The following UBXN4 variants were observed in gnomAD, a reference collection of about 807,000 sequenced individuals.
UBXN4 encodes the protein UBX domain protein 4.
A neutral mutation model predicts 66.2 loss-of-function variants in UBXN4; 35 were observed. The observed-to-expected ratio is 0.53, with a 90% CI of 0.40 to 0.70. The LOEUF is 0.70. UBXN4 is among the 30% of genes least tolerant of loss of function. The probability of loss-of-function intolerance (pLI) is 0.00; values close to 1 mark genes in which losing one functional copy is unlikely to be tolerated. For missense variants in UBXN4, 533 were observed against 599.8 expected, an observed-to-expected ratio of 0.89 and a Z score of 1.16; for synonymous variants, 203 against 204.5, an observed-to-expected ratio of 0.99 and a Z score of 0.06.
At chr2:135,763,687 G>A (rs1368418213) in intron 6 of UBXN4, among the ~76,000 whole-genome samples, 1 of 151,952 alleles carries the variant, frequency 6.6e-6, no homozygotes, top group Non-Finnish European at 1.5e-5. Flanking sequence ...TTAATTGGGT[G>A]AGGTGGTGCA....
intron 9 of UBXN4, 151 bp from the exon 10 acceptor site, chr2:135,776,098 A>G: frequency 1.7e-6 from 1 of 598,574 alleles, no homozygotes; most frequent in Non-Finnish European, 2.8e-6. Flanking sequence ...TATGAATCTC[A>G]GTAAAGCAGT....
intron 7 of UBXN4, 66 bp downstream of exon 7, chr2:135,769,889 T>C: frequency 2.1e-6 from 3 of 1,446,372 alleles, no homozygotes; most frequent in Non-Finnish European, 9.4e-7. Context: ...GATTATTCTA[T>C]TCAGTGTGGC....
chr2:135,753,575 T>G lies in UBXN4; in HGVS notation c.214+8T>G, dbSNP rs1395017126. 1 of 1,532,660 alleles carries G rather than the reference T, an allele frequency of 6.5e-7. No homozygotes were observed. Among genetic ancestry groups the G allele is most frequent in the East Asian group, 2.5e-5 (1 of 40,558 alleles). The allele number at this position is 1,532,660 out of a possible 1,614,324, so 94.9% of individuals were successfully genotyped here. On this transcript the variant is annotated splice_region_variant and intron_variant, in intron 3 of 12. Transcript: ENST00000272638. ...TACAGTTTTCACAAATCTGTATCCT[T>G]TCAGTAAAGAATGGCTTATATATAT...
chr2:135,748,360 A>G lies in UBXN4; in HGVS notation c.176A>G (p.Asp59Gly). 1 of 1,589,960 alleles carries G rather than the reference A, an allele frequency of 6.3e-7. No homozygotes were observed. Among genetic ancestry groups the G allele is most frequent in the Non-Finnish European group, 8.5e-7 (1 of 1,170,350 alleles). Reference sequence around the variant, plus strand: ...AACAGTTTTGTTGCTATTAAAATCGATACCAAAAGGTTTGTTTATGTTTTA... The same window carrying G: ...AACAGTTTTGTTGCTATTAAAATCGGTACCAAAAGGTTTGTTTATGTTTTA... ...SSNSFVAIKI[D>G]TKSEACLQFS... is the part of the protein sequence containing the mutation. The change falls in exon 2 of 13, where the codon GAT becomes GGT. Residue 59 changes from aspartate (D) to glycine (G), a missense_variant. By Grantham distance (94) the Asp-to-Gly change is moderately conservative (BLOSUM62 -1). Coordinates refer to ENST00000272638, the MANE Select transcript of UBXN4 (RefSeq NM_014607.4).
At chr2:135,755,722 T>C (rs201843440) in intron 5 of UBXN4, 31 bp downstream of exon 5, 31 of 1,341,144 alleles carry the variant, frequency 2.3e-5, no homozygotes, top group East Asian at 2.7e-5. Flanking sequence ...TTGAGTGCAA[T>C]AGAAGCTCCT....
intron 2 of UBXN4, among the ~76,000 whole-genome samples, chr2:135,752,583 C>T (rs986462430): frequency 9.9e-5 from 15 of 152,122 alleles, no homozygotes; most frequent in Admixed American, 7.9e-4. Flanking sequence ...CTAAGTAAGT[C>T]GTAGGCCTTA....
rs866990552 is a variant in UBXN4, at chr2:135,769,823, G to A, written c.657G>A (p.Gln219=). The A allele has an allele frequency of 6.3e-7, 1 of 1,598,786 alleles. No homozygotes were observed. The highest frequency in any genetic ancestry group is 1.4e-5 in the African/African-American group (1 of 73,836). Residue 219 remains glutamine, a splice_region_variant and synonymous_variant, in exon 7 of 13, where the codon CAG becomes CAA. Transcript: ENST00000272638. ...AAGAGAAAAGAAAAGAGGAAGAACA[G>A]GTAAAGTTCATGCAGTTAGCATTGT... is the stretch of plus-strand genomic sequence containing the variant. The part of the protein sequence containing the change: ...RREEKRKEEE[Q]REIKKEIERR...
intron 5 of UBXN4, among the ~76,000 whole-genome samples, chr2:135,758,764 A>ATTTTTTTTTTTTTTTTTTTTTTT (rs879806873): frequency 6.8e-6 from 1 of 147,218 alleles, no homozygotes; most frequent in South Asian, 2.1e-4. Context: ...TTTTAAAATA[A>ATTTTTTTTTTTTTTTTTTTTTTT]TTTTTTTTTT....
intron 6 of UBXN4, 81 bp from the exon 7 acceptor site, chr2:135,769,688 T>C: frequency 9.6e-7 from 1 of 1,039,188 alleles, no homozygotes; most frequent in Non-Finnish European, 1.3e-6. Context: ...CCAATTGTTT[T>C]AGCTAAATCC....
chr2:135,782,513 A>G (rs10496737), intron 12 of UBXN4, among the ~76,000 whole-genome samples: 32,691 of 152,180 alleles, frequency 0.21, 4,011 homozygotes, highest in Middle Eastern at 0.57. Flanking sequence ...TGGAAATGGA[A>G]TATATGATTT....
chr2:135,751,423 C>T (rs1462463985), intron 2 of UBXN4, among the ~76,000 whole-genome samples: 1 of 151,422 alleles, frequency 6.6e-6, no homozygotes, highest in Non-Finnish European at 1.5e-5. Context: ...CTCCTGACCT[C>T]GTGATCCACC....
intron 5 of UBXN4, among the ~76,000 whole-genome samples, chr2:135,760,394 GCT>G (rs1233339305): frequency 2.6e-5 from 4 of 151,866 alleles, no homozygotes; most frequent in Non-Finnish European, 4.4e-5. Context: ...TCATGCCACT[GCT>G]CTCCAGCCTG....
In UBXN4 at chr2:135,756,407, C is replaced by A. The variant is rs79319247; in HGVS notation, c.508+716C>A. Among the ~76,000 whole-genome samples, 662 of 152,270 alleles carry A rather than the reference C, an allele frequency of 4.3e-3. 7 individuals are homozygous for A. The highest frequency in any genetic ancestry group is 0.015 in the African/African-American group (631 of 41,552). ...GGAAGCCTGTTCTGTTGTTGAACAG[C>A]TCTAGTTTTTAGAAAGAGTCTTCCT... On this transcript the variant is annotated intron_variant, in intron 5 of 12. Coordinates refer to ENST00000272638, the MANE Select transcript of UBXN4 (RefSeq NM_014607.4).
chr2:135,744,376 T>G (rs2077194388), intron 1 of UBXN4, among the ~76,000 whole-genome samples: 1 of 150,032 alleles, frequency 6.7e-6, no homozygotes, highest in South Asian at 2.2e-4. Context: ...GACGAGAGAT[T>G]ACTACTACTT....
In UBXN4 at chr2:135,751,074, C is replaced by T. The variant is rs571866176; in HGVS notation, c.186-2465C>T. On this transcript the variant is annotated intron_variant, in intron 2 of 12. Coordinates refer to ENST00000272638, the MANE Select transcript of UBXN4 (RefSeq NM_014607.4). ...TAGAGACGGGGTTTCACCATGGTCT[C>T]GATCTCCTGACCTCGTGATCCGCCC... Among the ~76,000 whole-genome samples the T allele has an allele frequency of 4.0e-3, 578 of 144,288 alleles. 2 individuals are homozygous for T. Among genetic ancestry groups the T allele is most frequent in the Middle Eastern group, 0.019 (5 of 266 alleles). 94.7% of individuals were successfully genotyped at this position (144,288 alleles called of 152,430 possible).
At chr2:135,751,075 G>A (rs936424271) in intron 2 of UBXN4, among the ~76,000 whole-genome samples, 2 of 142,988 alleles carry the variant, frequency 1.4e-5, no homozygotes, top group African/African-American at 2.6e-5. Context: ...CCATGGTCTC[G>A]ATCTCCTGAC....
In UBXN4 at chr2:135,772,519, A is replaced by G; in HGVS notation, c.922A>G (p.Lys308Glu). 6.2e-7 allele frequency: 1 copy of G among 1,613,964 alleles called. No individual in the cohort carries two copies. Among genetic ancestry groups the G allele is most frequent in the Non-Finnish European group, 8.5e-7 (1 of 1,179,880 alleles). Reference sequence around the variant, plus strand: ...AGCAAAACAGGCAGAAATGGAAGTCAAGAGGGAATCTTATGCAAGAGAAAG... The same window carrying G: ...AGCAAAACAGGCAGAAATGGAAGTCGAGAGGGAATCTTATGCAAGAGAAAG... ...LLAKQAEMEV[K>E]RESYARERST... The change falls in exon 9 of 13, where the codon AAG becomes GAG. Residue 308 changes from lysine (K) to glutamate (E), a missense_variant. Lys to Glu is a moderately conservative substitution (Grantham distance 56). This residue lies in a region of UBXN4 where 529 missense variants were observed against 580.1 expected (regional missense o/e 0.91). Transcript: ENST00000272638.
chr2:135,766,762 G>T (rs2077350836), intron 6 of UBXN4, among the ~76,000 whole-genome samples: 1 of 152,090 alleles, frequency 6.6e-6, no homozygotes, highest in South Asian at 2.1e-4. Flanking sequence ...TGTCTGTTGG[G>T]TACCCTTTTC....
intron 2 of UBXN4, 67 bp from the exon 3 acceptor site, chr2:135,753,472 T>A: frequency 7.1e-7 from 1 of 1,402,772 alleles, no homozygotes; most frequent in Non-Finnish European, 9.4e-7. Context: ...TAAATTTTAT[T>A]AAAACAACTC....
Sources: gnomAD v4.1 joint callset for allele counts (sites outside exome capture counted in the v4.1 genomes callset) on GRCh38, gnomAD v4.1.1 for gene constraint, gnomAD v4.1.1 regional missense constraint, MANE v1.5 for transcripts, NCBI Gene and HGNC (gene_info 2026-07-23, HGNC 2026-07-21) for gene names.